COL10A1: variants seen among roughly 807,000 people sequenced by gnomAD.
The protein encoded by COL10A1 is collagen alpha-1(X) chain.
COL10A1 carries 10 observed loss-of-function variants against 18.2 expected under a neutral mutation model. The observed-to-expected ratio is 0.55, with a 90% CI of 0.34 to 0.93. The LOEUF (loss-of-function observed/expected upper bound fraction) is 0.93. COL10A1 is among the 40% of genes least tolerant of loss of function. The pLI, the probability that COL10A1 is intolerant of heterozygous loss-of-function variation, is 0.02. For synonymous variants in COL10A1, 330 were observed against 316.6 expected (o/e 1.04, Z -0.45); for missense variants, 897 against 853.5 (o/e 1.05, Z -0.64).
At chr6:116,168,071 T>G in the COL10A1 span, among the ~76,000 whole-genome samples, 1 of 149,724 alleles carries the variant, frequency 6.7e-6, no homozygotes, top group Non-Finnish European at 1.5e-5. Flanking sequence ...CGATTTATGA[T>G]GTACCTGGTG....
the COL10A1 span, among the ~76,000 whole-genome samples, chr6:116,172,882 G>T: frequency 6.6e-6 from 1 of 152,234 alleles, no homozygotes; most frequent in East Asian, 1.9e-4. Context: ...GGTAAGATAG[G>T]ATGTTTCAGG....
upstream of COL10A1, among the ~76,000 whole-genome samples, chr6:116,129,976 A>G (rs182433221): frequency 2.6e-3 from 397 of 152,290 alleles, 10 homozygotes; most frequent in South Asian, 0.044. Flanking sequence ...AACCCTTTAC[A>G]GAGAGTGGTA....
At chr6:116,186,577 T>A in the COL10A1 span, among the ~76,000 whole-genome samples, 1 of 151,982 alleles carries the variant, frequency 6.6e-6, no homozygotes, top group Non-Finnish European at 1.5e-5. Context: ...CATTTTTATT[T>A]AATTCTTTTT....
At chr6:116,192,865 A>G in the COL10A1 span, among the ~76,000 whole-genome samples, 4 of 152,030 alleles carry the variant, frequency 2.6e-5, no homozygotes, top group African/African-American at 4.8e-5. Flanking sequence ...TCTAGTCTCA[A>G]CTTCCCCTGC....
chr6:116,157,210 A>T (rs949564653), intron 1 of COL10A1, among the ~76,000 whole-genome samples: 3 of 152,178 alleles, frequency 2.0e-5, no homozygotes, highest in African/African-American at 7.2e-5. Context: ...TTTCATTATT[A>T]ATTTGGTTTA....
intron 1 of COL10A1, among the ~76,000 whole-genome samples, chr6:116,149,036 C>A (rs771394861): frequency 2.0e-5 from 3 of 151,996 alleles, no homozygotes; most frequent in Non-Finnish European, 4.4e-5. Context: ...GATTTTTAGC[C>A]CATTCCATGT....
upstream of COL10A1, among the ~76,000 whole-genome samples, chr6:116,128,123 G>A (rs940445362): frequency 3.3e-5 from 5 of 152,058 alleles, no homozygotes; most frequent in African/African-American, 1.2e-4. Context: ...CTTCTTTTAG[G>A]GATATGTAAA....
At chr6:116,149,759 G>C (rs1190796150) in intron 1 of COL10A1, among the ~76,000 whole-genome samples, 1 of 152,176 alleles carries the variant, frequency 6.6e-6, no homozygotes, top group East Asian at 1.9e-4. Context: ...CATAAAATAA[G>C]TGGTGAAAGA....
the COL10A1 span, among the ~76,000 whole-genome samples, chr6:116,213,941 G>A: frequency 6.6e-6 from 1 of 152,036 alleles, no homozygotes; most frequent in African/African-American, 2.4e-5. Flanking sequence ...GGATATCTCT[G>A]TGTTGCCTAG....
At chr6:116,123,396 A>G (rs1438633673) in intron 2 of COL10A1, among the ~76,000 whole-genome samples, 1 of 152,182 alleles carries the variant, frequency 6.6e-6, no homozygotes, top group East Asian at 1.9e-4. Flanking sequence ...AATTTTCTTC[A>G]TTCAAGATTA....
chr6:116,125,950 C>G (rs1779288354), intron 1 of COL10A1, 103 bp downstream of exon 1: 1 of 157,870 alleles, frequency 6.3e-6, no homozygotes, highest in Admixed American at 6.3e-5. Context: ...TTTTTTAAAT[C>G]ACTTTAATAC....
chr6:116,179,212 T>C, the COL10A1 span, among the ~76,000 whole-genome samples: 1 of 152,178 alleles, frequency 6.6e-6, no homozygotes, highest in Non-Finnish European at 1.5e-5. Context: ...ATAGTAGATA[T>C]TCTTCCAGTG....
the COL10A1 span, among the ~76,000 whole-genome samples, chr6:116,181,152 C>G: frequency 6.6e-6 from 1 of 151,772 alleles, no homozygotes; most frequent in African/African-American, 2.4e-5. Flanking sequence ...ATGAGTATAG[C>G]AGTTTGTTAT....
At chr6:116,206,653 C>A in the COL10A1 span, among the ~76,000 whole-genome samples, 1 of 151,968 alleles carries the variant, frequency 6.6e-6, no homozygotes, top group Non-Finnish European at 1.5e-5. Flanking sequence ...GAATTTCTTT[C>A]TGCCATCCCT....
chr6:116,141,886 AC>A, intron 1 of COL10A1, among the ~76,000 whole-genome samples: 1 of 19,716 alleles, frequency 5.1e-5, no homozygotes, highest in Non-Finnish European at 9.4e-5. Context: ...CAAAAAGAAA[AC>A]ACACACACAC....
the COL10A1 span, among the ~76,000 whole-genome samples, chr6:116,182,233 G>GTGTGTGTGTGTGTA: frequency 6.6e-6 from 1 of 151,510 alleles, no homozygotes; most frequent in African/African-American, 2.4e-5. Context: ...GTGTGTGTGT[G>GTGTGTGTGTGTGTA]TGTGTGTGTG....
At chr6:116,196,479 TA>T in the COL10A1 span, among the ~76,000 whole-genome samples, 3 of 152,000 alleles carry the variant, frequency 2.0e-5, no homozygotes, top group Non-Finnish European at 2.9e-5. Flanking sequence ...TAGTTTGATC[TA>T]GGGAAAAAAA....
the COL10A1 span, among the ~76,000 whole-genome samples, chr6:116,174,785 A>G: frequency 6.6e-6 from 1 of 152,136 alleles, no homozygotes; most frequent in Non-Finnish European, 1.5e-5. Context: ...CAATTCTACC[A>G]CTTGCTTTGC....
At chr6:116,169,888 G>A in the COL10A1 span, among the ~76,000 whole-genome samples, 1 of 152,186 alleles carries the variant, frequency 6.6e-6, no homozygotes, top group African/African-American at 2.4e-5. Context: ...ATAGTTCTTA[G>A]GGCAGAAGAG....
Sources: gnomAD v4.1 joint callset for allele counts (sites outside exome capture counted in the v4.1 genomes callset) on GRCh38, gnomAD v4.1.1 for gene constraint, MANE v1.5 for transcripts, NCBI Gene and HGNC (gene_info 2026-07-23, HGNC 2026-07-21) for gene names.